HERC3: variants seen among roughly 807,000 people sequenced by gnomAD.
HERC3 encodes the protein HECT and RLD domain containing E3 ubiquitin protein ligase 3.
Under a neutral mutation model 129.9 loss-of-function variants are expected in HERC3, and 58 were observed. The observed-to-expected ratio is 0.45, with a 90% confidence interval of 0.36 to 0.56. HERC3 has a LOEUF of 0.56. HERC3 is among the 20% of genes least tolerant of loss of function. HERC3 has a pLI of 0.00. For missense variants in HERC3, 835 were observed against 1,244.2 expected, an observed-to-expected ratio of 0.67 and a Z score of 4.95; for synonymous variants, 430 against 451.0, an observed-to-expected ratio of 0.95 and a Z score of 0.59.
At chr4:88,593,840 G>A (rs573704943) in intron 1 of HERC3, among the ~76,000 whole-genome samples, 2 of 152,276 alleles carry the variant, frequency 1.3e-5, no homozygotes, top group African/African-American at 2.4e-5. Flanking sequence ...TGTTTTAGTC[G>A]GCAGATTACT....
chr4:88,548,231 G>T, the HERC3 span, among the ~76,000 whole-genome samples: 1 of 152,122 alleles, frequency 6.6e-6, no homozygotes, highest in Admixed American at 6.6e-5. Context: ...ATTAGAATTG[G>T]TGGCCATATA....
At chr4:88,668,157 T>TCTCAATCCAC in intron 14 of HERC3, 76 bp downstream of exon 14, 2 of 1,134,550 alleles carry the variant, frequency 1.8e-6, no homozygotes, top group Non-Finnish European at 2.6e-6. Context: ...TCTCAGTGGA[T>TCTCAATCCAC]TGAGATCCAA....
At chr4:88,562,397 A>G in the HERC3 span, among the ~76,000 whole-genome samples, 2 of 152,014 alleles carry the variant, frequency 1.3e-5, no homozygotes, top group Non-Finnish European at 2.9e-5. Flanking sequence ...TATTCATTCT[A>G]GTTATTAATC....
the HERC3 span, among the ~76,000 whole-genome samples, chr4:88,559,215 T>C: frequency 3.3e-5 from 5 of 152,222 alleles, no homozygotes; most frequent in African/African-American, 1.2e-4. Context: ...ATTCCAATAA[T>C]GGAACACTAG....
chr4:88,524,514 C>A, the HERC3 span, among the ~76,000 whole-genome samples: 1 of 152,194 alleles, frequency 6.6e-6, no homozygotes, highest in African/African-American at 2.4e-5. Flanking sequence ...AGATCTCTTT[C>A]TTACAGTGTA....
chr4:88,602,055 C>CA (rs1266941147), intron 2 of HERC3, among the ~76,000 whole-genome samples: 12,886 of 43,596 alleles, frequency 0.3, 1,725 homozygotes, highest in East Asian at 0.4. Flanking sequence ...GACTCCGTCT[C>CA]AAAAAAAAAA....
chr4:88,649,860 G>C lies in HERC3; in HGVS notation c.247G>C (p.Asp83His). The C allele has an allele frequency of 6.2e-7, 1 of 1,613,926 alleles. No individual in the cohort carries two copies. Among genetic ancestry groups the C allele is most frequent in the Non-Finnish European group, 8.5e-7 (1 of 1,179,948 alleles). ...TTCAGAACAAATTGGAGCTCTGGCA[G>C]ATCAGCATATCATTCATGTGGCATG... ...NKPEQIGALADQHIIHVACGE... is the reference protein window; with the variant it reads ...NKPEQIGALAHQHIIHVACGE... Residue 83 changes from aspartate to histidine, a missense_variant, in exon 4 of 26, where the codon GAT (aspartate) becomes CAT (histidine). Asp to His is a moderately conservative substitution (Grantham distance 81, BLOSUM62 -1). Transcript: ENST00000402738.
chr4:88,649,417 TG>T (rs990220733), intron 3 of HERC3, among the ~76,000 whole-genome samples: 1 of 152,078 alleles, frequency 6.6e-6, no homozygotes, highest in African/African-American at 2.4e-5. Context: ...TGTTTGTATG[TG>T]GGGGGAGAGG....
In HERC3 at chr4:88,652,101, T is replaced by G. The variant is rs532461561; in HGVS notation, c.463+13T>G. The G allele has an allele frequency of 1.7e-5, 27 of 1,552,548 alleles. No individual in the cohort carries two copies. The highest frequency in any genetic ancestry group is 2.3e-5 in the Non-Finnish European group (26 of 1,123,968). The stretch of plus-strand genomic sequence containing the variant: ...GCTCTTGCGGCTGGTAAAGTAACAT[T>G]AAACATATGCTAATGCTATGTTAAT... On this transcript the variant is annotated intron_variant, in intron 5 of 25. Transcript: ENST00000402738.
intron 3 of HERC3, among the ~76,000 whole-genome samples, chr4:88,623,581 G>A (rs1298824964): frequency 2.6e-5 from 4 of 152,050 alleles, no homozygotes; most frequent in Admixed American, 2.0e-4. Flanking sequence ...TGTCCCTCAC[G>A]TGGGCTACCA....
Position 88,687,226 on chromosome 4 carries a change from G to A in HERC3, c.2584G>A (p.Glu862Lys). Residue 862 changes from glutamate to lysine, a missense_variant, in exon 23 of 26, where the codon GAA becomes AAA. Glu to Lys is a moderately conservative substitution (Grantham distance 56). Transcript: ENST00000402738. The stretch of plus-strand genomic sequence containing the variant: ...TCCACCTTAAATATAGATCTGCCGA[G>A]AAAGCTATGGAGTGATTGAACAGAA... The part of the protein sequence containing the change: ...TFCLNFTICR[E>K]SYGVIEQKKL... The A allele has an allele frequency of 1.2e-6, 2 of 1,610,474 alleles. No individual in the cohort carries two copies. Among genetic ancestry groups the A allele is most frequent in the Non-Finnish European group, 8.5e-7 (1 of 1,177,498 alleles).
At chr4:88,704,418 T>TAA (rs1735592863) in intron 24 of HERC3, 90 bp from the exon 25 acceptor site, 1 of 1,207,966 alleles carries the variant, frequency 8.3e-7, no homozygotes, top group African/African-American at 1.5e-5. Flanking sequence ...TCTCAGCACT[T>TAA]ATTTCTTAGC....
the HERC3 span, among the ~76,000 whole-genome samples, chr4:88,578,761 C>T: frequency 1.3e-5 from 2 of 152,018 alleles, no homozygotes. Flanking sequence ...ATAATTAGGG[C>T]ATAAATATCA....
chr4:88,628,790 C>A (rs933532891), intron 3 of HERC3, among the ~76,000 whole-genome samples: 1 of 152,094 alleles, frequency 6.6e-6, no homozygotes, highest in Admixed American at 6.5e-5. Context: ...TTGGGAATGA[C>A]CTCTTACTTA....
chr4:88,638,561 C>A lies in HERC3; in HGVS notation c.227-11279C>A, dbSNP rs1301470306. On this transcript the variant is annotated intron_variant, in intron 3 of 25. Coordinates refer to ENST00000402738, the MANE Select transcript of HERC3 (RefSeq NM_014606.3). ...AACATCCCTTCATGTTAAAGACTCT[C>A]AATAAACTAGGTATTGATGGAACAT... is the stretch of plus-strand genomic sequence containing the variant. Among the ~76,000 whole-genome samples the A allele has an allele frequency of 3.3e-5, 5 of 152,224 alleles. No individual in the cohort carries two copies. In the East Asian group the frequency reaches 9.7e-4, roughly 29 times the overall value.
chr4:88,581,257 T>C, the HERC3 span, among the ~76,000 whole-genome samples: 1 of 151,994 alleles, frequency 6.6e-6, no homozygotes, highest in African/African-American at 2.4e-5. Context: ...AGTTATTTTA[T>C]CTGCTAAAAA....
intron 2 of HERC3, among the ~76,000 whole-genome samples, chr4:88,605,011 CA>C (rs1200854103): frequency 6.6e-6 from 1 of 152,084 alleles, no homozygotes; most frequent in African/African-American, 2.4e-5. Flanking sequence ...AGGCTAGGGT[CA>C]GTAATCAGGC....
chr4:88,536,650 G>C, the HERC3 span, among the ~76,000 whole-genome samples: 7 of 152,102 alleles, frequency 4.6e-5, no homozygotes, highest in Non-Finnish European at 1.0e-4. Context: ...TAAAATGAAT[G>C]TAATATGTCT....
At chr4:88,697,303 CCCT>C in intron 23 of HERC3, 4 of 1,609,742 alleles carry the variant, frequency 2.5e-6, no homozygotes, top group Admixed American at 1.7e-5. Context: ...CTCGTCTTCC[CCCT>C]CCTCCTCGTC....
Sources: gnomAD v4.1 joint callset for allele counts (sites outside exome capture counted in the v4.1 genomes callset) on GRCh38, gnomAD v4.1.1 for gene constraint, MANE v1.5 for transcripts, NCBI Gene and HGNC (gene_info 2026-07-23, HGNC 2026-07-21) for gene names.